Variants in AGBL4 observed in about 807,000 individuals in gnomAD.
The protein encoded by AGBL4 is cytosolic carboxypeptidase 6.
Under a neutral mutation model 66.4 loss-of-function variants are expected in AGBL4, and 58 were observed. The observed-to-expected ratio is 0.87, with a 90% CI of 0.71 to 1.09. The LOEUF (loss-of-function observed/expected upper bound fraction) is 1.09, where lower values mean the gene tolerates loss of function less well. AGBL4 is among the 50% of genes least tolerant of loss of function. The pLI is 0.00. For missense variants in AGBL4, 579 were observed against 631.0 expected (o/e 0.92, Z 0.88); for synonymous variants, 234 against 222.9 (o/e 1.05, Z -0.44).
At chr1:49,741,691 T>G (rs1039577957) in intron 2 of AGBL4, among the ~76,000 whole-genome samples, 5 of 151,990 alleles carry the variant, frequency 3.3e-5, no homozygotes, top group Non-Finnish European at 7.4e-5. Context: ...ATATCAAAAA[T>G]CTTATCCATC....
At chr1:49,868,696 A>C (rs1031521523) in intron 1 of AGBL4, among the ~76,000 whole-genome samples, 6 of 152,220 alleles carry the variant, frequency 3.9e-5, no homozygotes, top group Non-Finnish European at 7.3e-5. Flanking sequence ...GGCAGGAAAA[A>C]AGATTTCATG....
chr1:49,798,551 G>T (rs1015073533), intron 2 of AGBL4, among the ~76,000 whole-genome samples: 1 of 152,112 alleles, frequency 6.6e-6, no homozygotes, highest in Non-Finnish European at 1.5e-5. Flanking sequence ...TTATTGTCTA[G>T]TTTGATTGTT....
chr1:49,054,941 C>T (rs1644284076), intron 4 of AGBL4, among the ~76,000 whole-genome samples: 1 of 151,904 alleles, frequency 6.6e-6, no homozygotes, highest in Non-Finnish European at 1.5e-5. Context: ...CACCAAAGTG[C>T]TTCAGCTTTT....
intron 6 of AGBL4, among the ~76,000 whole-genome samples, chr1:48,835,962 C>G (rs1570785063): frequency 6.6e-6 from 1 of 152,134 alleles, no homozygotes; most frequent in Non-Finnish European, 1.5e-5. Flanking sequence ...TGGAAAGTCA[C>G]TGAAAGGTTT....
At chr1:49,916,162 T>A (rs1651460543) in intron 1 of AGBL4, among the ~76,000 whole-genome samples, 1 of 152,160 alleles carries the variant, frequency 6.6e-6, no homozygotes, top group African/African-American at 2.4e-5. Flanking sequence ...CTGAAAATTC[T>A]AAAAATCTGA....
intron 5 of AGBL4, among the ~76,000 whole-genome samples, chr1:49,016,739 C>T (rs1662855393): frequency 6.6e-6 from 1 of 152,210 alleles, no homozygotes; most frequent in Non-Finnish European, 1.5e-5. Context: ...CAGCAGGGAT[C>T]TGCCTTCCCA....
At chr1:49,228,139 T>C (rs1344479484) in intron 4 of AGBL4, among the ~76,000 whole-genome samples, 4 of 152,250 alleles carry the variant, frequency 2.6e-5, no homozygotes, top group African/African-American at 9.6e-5. Context: ...TTAATCTTTA[T>C]GTGTATAAAA....
At chr1:48,807,222 T>C (rs769903338) in intron 6 of AGBL4, among the ~76,000 whole-genome samples, 1 of 152,186 alleles carries the variant, frequency 6.6e-6, no homozygotes, top group African/African-American at 2.4e-5. Context: ...TTTTTGAGCA[T>C]CCTGACTGTG....
intron 3 of AGBL4, among the ~76,000 whole-genome samples, chr1:49,394,838 A>T (rs1007388421): frequency 1.5e-4 from 23 of 152,152 alleles, no homozygotes. Flanking sequence ...TCTGCTTTTC[A>T]ATCCCCAGTT....
chr1:49,639,655 T>C (rs958172972), intron 3 of AGBL4, among the ~76,000 whole-genome samples: 5 of 152,158 alleles, frequency 3.3e-5, no homozygotes, highest in African/African-American at 1.2e-4. Context: ...TGGATAGGTG[T>C]TTTGCATACA....
Position 49,930,845 on chromosome 1 carries a change from C to T in AGBL4, c.35-79327G>A, listed in dbSNP as rs1001256882. On this transcript the variant is annotated intron_variant, in intron 1 of 13. Transcript: ENST00000371839. ...AATGTTTTTCCACAAAGATCAGGAG[C>T]AAACCAAGGATATCTACATCAACCA... is the stretch of plus-strand genomic sequence containing the variant. Among the ~76,000 whole-genome samples, 8 of 152,018 alleles carry T rather than the reference C, an allele frequency of 5.3e-5. 1 individual carries two copies. The highest frequency in any genetic ancestry group is 4.1e-4 in the South Asian group (2 of 4,826).
chr1:49,092,151 C>A (rs1267315872), intron 4 of AGBL4, among the ~76,000 whole-genome samples: 1 of 152,042 alleles, frequency 6.6e-6, no homozygotes, highest in Non-Finnish European at 1.5e-5. Flanking sequence ...TGTAACAAAC[C>A]TGCACATGTA....
chr1:49,363,820 C>A (rs1644188935), intron 3 of AGBL4, among the ~76,000 whole-genome samples: 1 of 152,186 alleles, frequency 6.6e-6, no homozygotes, highest in Non-Finnish European at 1.5e-5. Context: ...ATGTACCAGG[C>A]ACTCTGCTAT....
chr1:49,815,738 G>C (rs1645215733), intron 2 of AGBL4, among the ~76,000 whole-genome samples: 1 of 152,036 alleles, frequency 6.6e-6, no homozygotes. Context: ...TTTCATTATA[G>C]TTTTGCTTTG....
intron 1 of AGBL4, among the ~76,000 whole-genome samples, chr1:49,880,730 T>G (rs1212384084): frequency 6.6e-6 from 1 of 152,166 alleles, no homozygotes; most frequent in Admixed American, 6.5e-5. Context: ...TAAGCAAGCC[T>G]GGGCAATGGC....
At chr1:49,727,752 T>C (rs982978734) in intron 2 of AGBL4, among the ~76,000 whole-genome samples, 2 of 152,080 alleles carry the variant, frequency 1.3e-5, no homozygotes, top group African/African-American at 4.8e-5. Flanking sequence ...TTTGGTTGAG[T>C]CCATCTTAGA....
intron 6 of AGBL4, among the ~76,000 whole-genome samples, chr1:48,694,048 C>CAA (rs61574470): frequency 0.086 from 4,885 of 56,730 alleles, 350 homozygotes; most frequent in African/African-American, 0.2. Context: ...TTTCCCTATT[C>CAA]AAAAAAAAAA....
intron 1 of AGBL4, among the ~76,000 whole-genome samples, chr1:49,940,275 T>C (rs891349771): frequency 9.9e-5 from 15 of 152,208 alleles, no homozygotes; most frequent in African/African-American, 3.4e-4. Flanking sequence ...AGTTCAACCA[T>C]TGTGGAAGTC....
At chr1:49,509,519 T>A (rs1218442500) in intron 3 of AGBL4, among the ~76,000 whole-genome samples, 1 of 151,868 alleles carries the variant, frequency 6.6e-6, no homozygotes, top group African/African-American at 2.4e-5. Flanking sequence ...TTATAACTAA[T>A]GAGTAGTGAG....
Sources: gnomAD v4.1 joint callset for allele counts (sites outside exome capture counted in the v4.1 genomes callset) on GRCh38, gnomAD v4.1.1 for gene constraint, MANE v1.5 for transcripts, NCBI Gene and HGNC (gene_info 2026-07-23, HGNC 2026-07-21) for gene names.